Variants in FAM53B observed in about 807,000 individuals in gnomAD.
FAM53B encodes protein FAM53B.
FAM53B carries 12 observed loss-of-function variants against 32.7 expected under a neutral mutation model. The ratio of observed to expected loss-of-function variants is 0.37; its 90% CI spans 0.24 to 0.59. The LOEUF is 0.59. Among genes scored for constraint, FAM53B ranks in the 20% least tolerant of loss-of-function variants. The probability of loss-of-function intolerance (pLI) is 0.72; values close to 1 mark genes in which losing one functional copy is unlikely to be tolerated. For missense variants in FAM53B, 477 were observed against 577.7 expected, an observed-to-expected ratio of 0.83 and a Z score of 1.79; for synonymous variants, 234 against 228.7, an observed-to-expected ratio of 1.02 and a Z score of -0.21.
rs1234723028 is a variant in FAM53B, at chr10:124,651,358, G to A, written c.907-27754C>T. On this transcript the variant is annotated intron_variant, in intron 4 of 4. Coordinates refer to ENST00000337318, the MANE Select transcript of FAM53B (RefSeq NM_014661.4). The surrounding 1 kb of genome is among the most constrained non-coding windows in gnomAD (Gnocchi z 5.2). Reference sequence around the variant, plus strand: ...GAGGCTGGAGGGGTGCGGCTGAGCAGAGGGTGCTGCCTGGCATCCTCCTGA... The same window carrying A: ...GAGGCTGGAGGGGTGCGGCTGAGCAAAGGGTGCTGCCTGGCATCCTCCTGA... Among the ~76,000 whole-genome samples the A allele has an allele frequency of 6.6e-6, 1 of 152,242 alleles. No individual in the cohort carries two copies. The highest frequency in any genetic ancestry group is 1.5e-5 in the Non-Finnish European group (1 of 68,040).
At chr10:124,662,441 C>T (rs1045326976) in intron 4 of FAM53B, among the ~76,000 whole-genome samples, 13 of 147,752 alleles carry the variant, frequency 8.8e-5, no homozygotes, top group African/African-American at 2.5e-4. Context: ...CATCCATCCA[C>T]CCACCCACAC....
chr10:124,712,511 T>C (rs1422974602), intron 1 of FAM53B, among the ~76,000 whole-genome samples: 1 of 152,094 alleles, frequency 6.6e-6, no homozygotes, highest in African/African-American at 2.4e-5. Context: ...CAAGTAGCAA[T>C]CGTGGGCCGC....
Position 124,733,319 on chromosome 10 carries a change from T to C in FAM53B, c.-175+10694A>G, listed in dbSNP as rs1950156150. 6.6e-6 allele frequency among the ~76,000 whole-genome samples: 1 copy of C among 152,192 alleles called. No homozygotes were observed. The highest frequency in any genetic ancestry group is 2.1e-4 in the South Asian group (1 of 4,830). On this transcript the variant is annotated intron_variant, in intron 1 of 4. Transcript: ENST00000337318. This position sits in a 1 kb window ranked among gnomAD's most constrained non-coding sequence, Gnocchi z 4.3. ...AGTCAACGGGGCCTGGAATCTGGGCTGGCATCTGAGGGCGGTGGAGGCCTC... is the reference window on the plus strand; with the variant it reads ...AGTCAACGGGGCCTGGAATCTGGGCCGGCATCTGAGGGCGGTGGAGGCCTC...
At chr10:124,699,671 T>A (rs1024888355) in intron 2 of FAM53B, among the ~76,000 whole-genome samples, 1 of 152,200 alleles carries the variant, frequency 6.6e-6, no homozygotes, top group African/African-American at 2.4e-5. Flanking sequence ...GATACCTTCA[T>A]CGTCACTGGA....
chr10:124,736,785 C>T (rs1950176217), intron 1 of FAM53B, among the ~76,000 whole-genome samples: 1 of 152,278 alleles, frequency 6.6e-6, no homozygotes, highest in Non-Finnish European at 1.5e-5. Context: ...CGGCCCCAGA[C>T]AGGACCTGTA....
At chr10:124,704,907 C>T (rs564929810) in intron 2 of FAM53B, among the ~76,000 whole-genome samples, 1 of 152,258 alleles carries the variant, frequency 6.6e-6, no homozygotes, top group South Asian at 2.1e-4. Context: ...GTGGTGGCAG[C>T]GGGGCTGGTG....
intron 4 of FAM53B, among the ~76,000 whole-genome samples, chr10:124,642,964 C>T (rs1949486877): frequency 6.6e-6 from 1 of 152,226 alleles, no homozygotes; most frequent in Non-Finnish European, 1.5e-5. Flanking sequence ...TTCATGAAAG[C>T]AAGAAAAACG....
chr10:124,677,726 C>T (rs1949745262), intron 4 of FAM53B, among the ~76,000 whole-genome samples: 1 of 152,342 alleles, frequency 6.6e-6, no homozygotes, highest in South Asian at 2.1e-4. Context: ...ATATCTACAC[C>T]CCACCCTGTG....
chr10:124,626,771 G>C (rs1220101542), intron 4 of FAM53B, among the ~76,000 whole-genome samples: 1 of 152,236 alleles, frequency 6.6e-6, no homozygotes, highest in Non-Finnish European at 1.5e-5. Context: ...TGTGGCTTTT[G>C]CCTCACTGCG....
intron 2 of FAM53B, among the ~76,000 whole-genome samples, chr10:124,697,079 G>A (rs1037351097): frequency 1.3e-5 from 2 of 152,018 alleles, no homozygotes; most frequent in South Asian, 2.1e-4. Flanking sequence ...CAAGAGGCTC[G>A]CTCGGTCCTC....
intron 2 of FAM53B, among the ~76,000 whole-genome samples, chr10:124,702,540 C>A (rs898976263): frequency 6.6e-6 from 1 of 152,232 alleles, no homozygotes; most frequent in Non-Finnish European, 1.5e-5. Context: ...GCCTCTGGAA[C>A]AGGGCCCATG....
At chr10:124,666,702 C>G (rs767857926) in intron 4 of FAM53B, among the ~76,000 whole-genome samples, 1 of 152,242 alleles carries the variant, frequency 6.6e-6, no homozygotes, top group African/African-American at 2.4e-5. Flanking sequence ...CAGGGCTGCA[C>G]GGGTACAGTA....
At chr10:124,738,752 AACC>A (rs1431078970) in intron 1 of FAM53B, among the ~76,000 whole-genome samples, 1 of 152,248 alleles carries the variant, frequency 6.6e-6, no homozygotes, top group African/African-American at 2.4e-5. Context: ...CTGGAGTGGC[AACC>A]ACCACATCAT....
At chr10:124,698,012 C>A (rs1487061249) in intron 2 of FAM53B, among the ~76,000 whole-genome samples, 1 of 152,222 alleles carries the variant, frequency 6.6e-6, no homozygotes, top group Non-Finnish European at 1.5e-5. Context: ...CATGAGAGCA[C>A]TGCTGCTGGG....
At chr10:124,678,780 G>C (rs180853430) in intron 4 of FAM53B, among the ~76,000 whole-genome samples, 1 of 152,298 alleles carries the variant, frequency 6.6e-6, no homozygotes, top group Admixed American at 6.5e-5. Flanking sequence ...ACTCTCTCGG[G>C]TTCTCTCCCT....
At chr10:124,667,642 C>CGCACT (rs889006918) in intron 4 of FAM53B, among the ~76,000 whole-genome samples, 5 of 152,340 alleles carry the variant, frequency 3.3e-5, no homozygotes, top group African/African-American at 9.6e-5. Flanking sequence ...TCCCCATTCT[C>CGCACT]GCACTACAGC....
In FAM53B at chr10:124,675,605, T is replaced by C. The variant is rs950973785; in HGVS notation, c.906+6002A>G. Among the ~76,000 whole-genome samples, 10 of 152,224 alleles carry C rather than the reference T, an allele frequency of 6.6e-5. No individual in the cohort carries two copies. The East Asian group carries it at 1.7e-3, about 26-fold the overall frequency. ...ATTTTACAGACACAGACATGAGGCC[T>C]GGGGCACACAGCTCAAAAGTGGCAG... On this transcript the variant is annotated intron_variant, in intron 4 of 4. Transcript: ENST00000337318.
chr10:124,657,068 ATATGTATATATATGTG>A (rs1949594603), intron 4 of FAM53B, among the ~76,000 whole-genome samples: 1 of 143,484 alleles, frequency 7.0e-6, no homozygotes, highest in Non-Finnish European at 1.5e-5. Context: ...ATGTATATAT[ATATGTATATATATGTG>A]TGTGTATATA....
At chr10:124,712,901 TGGCAGG>T (rs982712948) in intron 1 of FAM53B, among the ~76,000 whole-genome samples, 2 of 152,164 alleles carry the variant, frequency 1.3e-5, no homozygotes, top group Non-Finnish European at 2.9e-5. Flanking sequence ...GCAGACACGG[TGGCAGG>T]GGGCCCCTGC....
Sources: gnomAD v4.1 joint callset for allele counts (sites outside exome capture counted in the v4.1 genomes callset) on GRCh38, gnomAD v4.1.1 for gene constraint, Gnocchi (gnomAD v3.1) non-coding constraint, MANE v1.5 for transcripts, NCBI Gene and HGNC (gene_info 2026-07-23, HGNC 2026-07-21) for gene names.